The following ATL3 variants were observed in gnomAD, a reference collection of about 807,000 sequenced individuals.
ATL3 encodes the protein atlastin GTPase 3.
ATL3 carries 49 observed loss-of-function variants against 69.5 expected under a neutral mutation model. The observed-to-expected ratio is 0.71, with a 90% CI of 0.56 to 0.89. ATL3 has a LOEUF of 0.89. Ranked by LOEUF, ATL3 falls within the 40% of genes least tolerant of loss-of-function variation. The pLI is 0.00. For missense variants in ATL3, 606 were observed against 645.7 expected (o/e 0.94, Z 0.67); for synonymous variants, 214 against 224.1 (o/e 0.95, Z 0.40).
chr11:63,667,854 G>T (rs1260194666), intron 1 of ATL3, among the ~76,000 whole-genome samples: 2 of 151,816 alleles, frequency 1.3e-5, no homozygotes, highest in South Asian at 2.1e-4. Flanking sequence ...CAACTGTTGT[G>T]GGGGGCTATC....
rs1461603920 is a variant in ATL3, at chr11:63,626,696, G to A, written c.*2623C>T. 1.3e-5 allele frequency: 2 copies of A among 152,124 alleles called. No individual in the cohort carries two copies. Among genetic ancestry groups the A allele is most frequent in the African/African-American group, 4.8e-5 (2 of 41,424 alleles). The allele number at this position is 152,124 out of a possible 1,614,324, so 9.4% of individuals were successfully genotyped here. On this transcript the variant is annotated 3_prime_UTR_variant, in exon 13 of 13. Coordinates refer to ENST00000398868, the MANE Select transcript of ATL3 (RefSeq NM_015459.5). Reference sequence around the variant, plus strand: ...TGGAAAGCGGCAGAGCAACAGACACGACGCAAACAGGCACAGTCTGAGCAT... The same window carrying A: ...TGGAAAGCGGCAGAGCAACAGACACAACGCAAACAGGCACAGTCTGAGCAT...
chr11:63,655,408 C>T (rs183493314), intron 3 of ATL3, among the ~76,000 whole-genome samples: 1 of 151,978 alleles, frequency 6.6e-6, no homozygotes, highest in Non-Finnish European at 1.5e-5. Context: ...ACCCCAGCCT[C>T]CCAAAGTGCT....
rs1939100062 is a variant in ATL3 at position 63,626,054 on chromosome 11, C to A, written c.*3265G>T. ...AAAAGAGGTGTTAAAACGTAAACTT[C>A]CATAGAACATTTCTTGGTATACTAC... On this transcript the variant is annotated 3_prime_UTR_variant, in exon 13 of 13. Transcript: ENST00000398868. The A allele has an allele frequency of 6.6e-6, 1 of 151,878 alleles. No homozygotes were observed. The highest frequency in any genetic ancestry group is 2.4e-5 in the African/African-American group (1 of 41,344). 9.4% of individuals were successfully genotyped at this position (151,878 alleles called of 1,614,324 possible). A position where few individuals can be genotyped will look rare whatever the true frequency, so the allele number is the denominator to read the frequency against.
At chr11:63,671,462 A>G (rs1477989054), upstream of ATL3, 2 of 1,477,084 alleles carry the variant, frequency 1.4e-6, no homozygotes, top group African/African-American at 3.0e-5. Flanking sequence ...ACTAGCCAGA[A>G]GGTGGGGCAC....
intron 5 of ATL3, among the ~76,000 whole-genome samples, chr11:63,650,947 G>A (rs964469426): frequency 6.6e-6 from 1 of 152,084 alleles, no homozygotes; most frequent in Non-Finnish European, 1.5e-5. Context: ...GGTTTAGGAG[G>A]AATTTTCCTT....
At position 63,658,824 on chromosome 11, in the gene ATL3, TG is replaced by T; in HGVS notation, c.341del (p.Pro114GlnfsTer27). The T allele has an allele frequency of 6.2e-7, 1 of 1,613,046 alleles. No homozygotes were observed. The highest frequency in any genetic ancestry group is 1.3e-5 in the African/African-American group (1 of 75,028). On this transcript the variant is annotated frameshift_variant, in exon 3 of 13. Transcript: ENST00000398868. LOFTEE classifies it high-confidence loss of function. ...TCCAGATTTGAATCCCAGTGGTTTC[TG>T]GATCAGATCCCCCTCTCCAGGAAAA... ...TGFSWRGGSD[P>X]ETTGIQIWSE...
upstream of ATL3, chr11:63,671,535 G>A: frequency 3.5e-6 from 5 of 1,427,008 alleles, no homozygotes; most frequent in Admixed American, 6.3e-5. Flanking sequence ...CCCGAGGCGT[G>A]GCGAGCGCAG....
Position 63,624,755 on chromosome 11 carries a change from T to C in ATL3, c.*4564A>G, listed in dbSNP as rs1422180937. 6.6e-6 allele frequency: 1 copy of C among 152,228 alleles called. No individual in the cohort carries two copies. The highest frequency in any genetic ancestry group is 6.5e-5 in the Admixed American group (1 of 15,280). The allele number at this position is 152,228 out of a possible 1,614,324, so 9.4% of individuals were successfully genotyped here. A position where few individuals can be genotyped will look rare whatever the true frequency, so the allele number is the denominator to read the frequency against. On this transcript the variant is annotated 3_prime_UTR_variant, in exon 13 of 13. Transcript: ENST00000398868. Reference sequence around the variant, plus strand: ...TGGAGAAAAACAGCTTTAAAGAGCTTAGATAATCCTCTGAATTAAAGGCAT... The same window carrying C: ...TGGAGAAAAACAGCTTTAAAGAGCTCAGATAATCCTCTGAATTAAAGGCAT...
chr11:63,638,723 A>C lies in ATL3; in HGVS notation c.851-2389T>G, dbSNP rs1053585727. Among the ~76,000 whole-genome samples, 3 of 150,998 alleles carry C rather than the reference A, an allele frequency of 2.0e-5. No individual in the cohort carries two copies. The South Asian group carries it at 6.2e-4, about 31-fold the overall frequency. On this transcript the variant is annotated intron_variant, in intron 8 of 12. Transcript: ENST00000398868. ...AAGACTTTGTCTCAAAAAACAAAAC[A>C]AAACAAAAAAAAAAAAACTCAGCAG...
At position 63,659,029 on chromosome 11, in the gene ATL3, C is replaced by A. The variant is rs377110368; in HGVS notation, c.261+9G>T. On this transcript the variant is annotated intron_variant, in intron 2 of 12. Coordinates refer to ENST00000398868, the MANE Select transcript of ATL3 (RefSeq NM_015459.5). ...ACTTTTTACTTGAAATAAAATAATT[C>A]TATCTTACCTGAGAATATAAGTATC... The A allele has an allele frequency of 1.1e-4, 180 of 1,612,966 alleles. No homozygotes were observed. The highest frequency in any genetic ancestry group is 4.9e-4 in the Middle Eastern group (3 of 6,084).
At chr11:63,668,546 C>T (rs964539685) in intron 1 of ATL3, among the ~76,000 whole-genome samples, 1 of 152,164 alleles carries the variant, frequency 6.6e-6, no homozygotes. Context: ...GAAGGCTGAA[C>T]AAAACCATAT....
At chr11:63,655,685 G>A (rs1414902099) in intron 3 of ATL3, among the ~76,000 whole-genome samples, 1 of 151,950 alleles carries the variant, frequency 6.6e-6, no homozygotes, top group African/African-American at 2.4e-5. Context: ...GACTTCAGGT[G>A]ATCCACCCAC....
At chr11:63,652,360 T>G in intron 4 of ATL3, 111 bp downstream of exon 4, 1 of 694,664 alleles carries the variant, frequency 1.4e-6, no homozygotes, top group Non-Finnish European at 2.2e-6. Flanking sequence ...TTAAAAATAA[T>G]ATTTACATAT....
chr11:63,655,185 C>G (rs1368124816), intron 3 of ATL3, among the ~76,000 whole-genome samples: 1 of 152,116 alleles, frequency 6.6e-6, no homozygotes, highest in Non-Finnish European at 1.5e-5. Context: ...TGTTGTTATT[C>G]CTCATTACTG....
intron 8 of ATL3, among the ~76,000 whole-genome samples, chr11:63,640,651 C>T (rs1939672278): frequency 7.8e-6 from 1 of 127,700 alleles, no homozygotes; most frequent in Non-Finnish European, 1.5e-5. Context: ...GTCGCCCAGG[C>T]TGGAGTGCAA....
rs1213574217 is a variant in ATL3 at position 63,631,284 on chromosome 11, T to C, written c.1295A>G (p.Asn432Ser). Residue 432 changes from asparagine (N) to serine (S), a missense_variant, in exon 12 of 13, where the codon AAT becomes AGT. Physicochemically the swap from Asn to Ser is conservative, Grantham distance 46 (BLOSUM62 1). Coordinates refer to ENST00000398868, the MANE Select transcript of ATL3 (RefSeq NM_015459.5). ...KELYENFCKH[N>S]GSKNVFSTFR... ...GGTGCTGAAGACGTTCTTGCTACCA[T>C]TGTGCTTGCAGAAGTTCTCATATAA... is the stretch of plus-strand genomic sequence containing the variant. 5.0e-6 allele frequency: 8 copies of C among 1,614,194 alleles called. No homozygotes were observed. The highest frequency in any genetic ancestry group is 1.7e-5 in the Admixed American group (1 of 60,024).
Position 63,655,950 on chromosome 11 carries a change from C to T in ATL3, c.405+2811G>A, listed in dbSNP as rs117824621. Reference sequence around the variant, plus strand: ...AATAACATGAACTACATCAGCCTGGCGCAGTGGCTCACGCCTATAATCCCA... The same window carrying T: ...AATAACATGAACTACATCAGCCTGGTGCAGTGGCTCACGCCTATAATCCCA... On this transcript the variant is annotated intron_variant, in intron 3 of 12. Transcript: ENST00000398868. 9.3e-3 allele frequency among the ~76,000 whole-genome samples: 1,414 copies of T among 152,234 alleles called. 11 individuals are homozygous for T. The highest frequency in any genetic ancestry group is 0.014 in the Non-Finnish European group (981 of 68,016).
At chr11:63,671,438 G>A (rs1202975722), upstream of ATL3, 7 of 1,496,774 alleles carry the variant, frequency 4.7e-6, no homozygotes, top group East Asian at 2.8e-5. Context: ...GGCGGAGCCT[G>A]GGCTCTAGAA....
intron 3 of ATL3, among the ~76,000 whole-genome samples, chr11:63,654,061 C>CA (rs1266054169): frequency 1.3e-5 from 2 of 151,604 alleles, no homozygotes; most frequent in Non-Finnish European, 2.9e-5. Context: ...AAGATGTAAA[C>CA]AACAGAGCAA....
Sources: allele counts gnomAD v4.1 joint callset (sites outside exome capture counted in the v4.1 genomes callset), GRCh38; gene constraint gnomAD v4.1.1; transcripts MANE v1.5; gene names NCBI Gene and HGNC (gene_info 2026-07-23, HGNC 2026-07-21).